The following MEI1 variants were observed in gnomAD, a reference collection of about 807,000 sequenced individuals.
MEI1 encodes the protein meiotic double-stranded break formation protein 1.
A neutral mutation model predicts 146.2 loss-of-function variants in MEI1; 103 were observed. That is an observed-to-expected ratio of 0.70 (90% CI 0.60 to 0.83). The LOEUF (loss-of-function observed/expected upper bound fraction) is 0.83. MEI1 is among the 40% of genes least tolerant of loss of function. The pLI is 0.00. For synonymous variants in MEI1, 652 were observed against 628.2 expected, an observed-to-expected ratio of 1.04 and a Z score of -0.57; for missense variants, 1,529 against 1,533.0, an observed-to-expected ratio of 1.00 and a Z score of 0.04.
intron 11 of MEI1, among the ~76,000 whole-genome samples, chr22:41,735,679 T>C (rs1237349103): frequency 6.6e-6 from 1 of 152,236 alleles, no homozygotes; most frequent in Non-Finnish European, 1.5e-5. Context: ...TCTGTTGTTT[T>C]GAATTTATAT....
intron 6 of MEI1, 43 bp downstream of exon 6, chr22:41,718,317 A>T: frequency 6.3e-7 from 1 of 1,582,364 alleles, no homozygotes; most frequent in Non-Finnish European, 8.6e-7. Flanking sequence ...TAAGTTTTTG[A>T]CATTTTGCTA....
chr22:41,739,286 T>C (rs2072659309), intron 11 of MEI1, among the ~76,000 whole-genome samples: 1 of 152,196 alleles, frequency 6.6e-6, no homozygotes, highest in Non-Finnish European at 1.5e-5. Context: ...TCCTTGGCAT[T>C]TTTGCTATTT....
intron 11 of MEI1, among the ~76,000 whole-genome samples, chr22:41,738,908 A>T (rs2072622184): frequency 1.3e-5 from 2 of 152,124 alleles, no homozygotes; most frequent in Non-Finnish European, 2.9e-5. Flanking sequence ...TTGAGGTTAC[A>T]GTGAGCTATG....
intron 26 of MEI1, among the ~76,000 whole-genome samples, chr22:41,790,033 C>A (rs1223022650): frequency 6.6e-6 from 1 of 152,084 alleles, no homozygotes; most frequent in Non-Finnish European, 1.5e-5. Context: ...TATAGCTAAG[C>A]CTCCTTCATT....
chr22:41,745,786 AC>A, intron 13 of MEI1, 98 bp from the exon 14 acceptor site: 3 of 1,232,252 alleles, frequency 2.4e-6, no homozygotes, highest in Non-Finnish European at 3.4e-6. Context: ...CTTTCCCTGG[AC>A]CCTGAGCACA....
Position 41,754,051 on chromosome 22 carries a change from G to C in MEI1, c.1951+5G>C, listed in dbSNP as rs2073941869. The C allele has an allele frequency of 6.2e-7, 1 of 1,601,878 alleles. No homozygotes were observed. Among genetic ancestry groups the C allele is most frequent in the Non-Finnish European group, 8.6e-7 (1 of 1,169,044 alleles). On this transcript the variant is annotated splice_donor_5th_base_variant and intron_variant, in intron 17 of 30. Coordinates refer to ENST00000401548, the MANE Select transcript of MEI1 (RefSeq NM_152513.4). ...CAGGACCACCTTCCAAAGAAGGTAAGATGCTACAATTTGACCACTCATGTG... is the reference window on the plus strand; with the variant it reads ...CAGGACCACCTTCCAAAGAAGGTAACATGCTACAATTTGACCACTCATGTG...
At chr22:41,763,068 A>G (rs713988) in intron 18 of MEI1, 106 bp from the exon 19 acceptor site, 1,022,799 of 1,259,444 alleles carry the variant, frequency 0.81, 419,457 homozygotes, top group African/African-American at 0.96. Context: ...CTGTGGGCAT[A>G]TTGGGGCAGG....
At position 41,786,474 on chromosome 22, in the gene MEI1, C is replaced by T. The variant is rs760637; in HGVS notation, c.3345+1691C>T. ...GAAGCTCAGAGAAGGTCATCAGACTCTTTCCATCTATTGGCTTTGCATTCC... is the reference window on the plus strand; with the variant it reads ...GAAGCTCAGAGAAGGTCATCAGACTTTTTCCATCTATTGGCTTTGCATTCC... On this transcript the variant is annotated intron_variant, in intron 26 of 30. Transcript: ENST00000401548. 1.5e-3 allele frequency among the ~76,000 whole-genome samples: 230 copies of T among 152,356 alleles called. 2 individuals are homozygous for T. In the South Asian group the frequency reaches 0.046, roughly 31 times the overall value.
intron 15 of MEI1, 164 bp from the exon 16 acceptor site, chr22:41,752,427 T>TA: frequency 3.2e-6 from 2 of 634,624 alleles, no homozygotes; most frequent in South Asian, 4.0e-5. Context: ...TCAGAGAAGT[T>TA]AAAAAACTTT....
intron 15 of MEI1, among the ~76,000 whole-genome samples, chr22:41,749,653 A>G (rs1016972249): frequency 1.3e-5 from 2 of 152,212 alleles, no homozygotes; most frequent in Non-Finnish European, 2.9e-5. Context: ...TGTTTCAGAA[A>G]GATCTTTCTT....
chr22:41,790,890 G>T (rs1371029783), intron 26 of MEI1, among the ~76,000 whole-genome samples: 1 of 152,186 alleles, frequency 6.6e-6, no homozygotes, highest in African/African-American at 2.4e-5. Context: ...CACCTGGTCT[G>T]AAAACTTCTT....
intron 26 of MEI1, among the ~76,000 whole-genome samples, chr22:41,785,756 G>A (rs2075948674): frequency 1.3e-5 from 2 of 150,778 alleles, no homozygotes; most frequent in African/African-American, 2.4e-5. Flanking sequence ...TAGAGACGGG[G>A]TTTCCGCATA....
intron 4 of MEI1, among the ~76,000 whole-genome samples, chr22:41,715,287 T>C (rs1395906271): frequency 6.6e-6 from 1 of 152,068 alleles, no homozygotes; most frequent in East Asian, 1.9e-4. Context: ...AGCTAGTCAA[T>C]AGAAAAGGTA....
intron 30 of MEI1, among the ~76,000 whole-genome samples, chr22:41,797,311 G>T (rs1216197726): frequency 2.6e-5 from 4 of 151,860 alleles, no homozygotes; most frequent in Admixed American, 2.0e-4. Context: ...ATTTAAAACT[G>T]CATAAAATTA....
chr22:41,767,883 A>G (rs1172965745), intron 19 of MEI1, among the ~76,000 whole-genome samples: 1 of 152,188 alleles, frequency 6.6e-6, no homozygotes, highest in Non-Finnish European at 1.5e-5. Flanking sequence ...TAGCATCAGG[A>G]GAGGCTTTGT....
chr22:41,772,842 G>C (rs963963930), intron 20 of MEI1, among the ~76,000 whole-genome samples: 5 of 151,982 alleles, frequency 3.3e-5, no homozygotes, highest in Non-Finnish European at 7.4e-5. Context: ...TCAAATCCCT[G>C]CACCACCCCT....
At chr22:41,752,926 A>G (rs1310071780) in intron 16 of MEI1, among the ~76,000 whole-genome samples, 1 of 152,080 alleles carries the variant, frequency 6.6e-6, no homozygotes, top group Non-Finnish European at 1.5e-5. Flanking sequence ...CATGGCTGTA[A>G]TCCCAGCACT....
chr22:41,711,118 A>G (rs1292692522), intron 3 of MEI1, among the ~76,000 whole-genome samples: 2 of 152,040 alleles, frequency 1.3e-5, no homozygotes, highest in African/African-American at 4.8e-5. Context: ...TTCCCACTTT[A>G]TGCTCCCTCT....
intron 6 of MEI1, among the ~76,000 whole-genome samples, chr22:41,718,643 G>A (rs1326128821): frequency 6.6e-6 from 1 of 152,138 alleles, no homozygotes; most frequent in African/African-American, 2.4e-5. Context: ...GTAAAGCCTA[G>A]GTGTCTTAGT....
Sources: allele counts gnomAD v4.1 joint callset (sites outside exome capture counted in the v4.1 genomes callset), GRCh38; gene constraint gnomAD v4.1.1; transcripts MANE v1.5; gene names NCBI Gene and HGNC (gene_info 2026-07-23, HGNC 2026-07-21).